KCMF1: variants seen among roughly 807,000 people sequenced by gnomAD.
The protein encoded by KCMF1 is potassium channel modulatory factor 1.
KCMF1 carries 3 observed loss-of-function variants against 41.1 expected under a neutral mutation model. The ratio of observed to expected loss-of-function variants is 0.07; its 90% CI spans 0.03 to 0.19. The LOEUF is 0.19. Ranked by LOEUF, KCMF1 falls within the 10% of genes least tolerant of loss-of-function variation. The probability of loss-of-function intolerance (pLI) is 1.00; values close to 1 mark genes in which losing one functional copy is unlikely to be tolerated. For synonymous variants in KCMF1, 142 were observed against 164.5 expected, an observed-to-expected ratio of 0.86 and a Z score of 1.04; for missense variants, 286 against 488.9, an observed-to-expected ratio of 0.58 and a Z score of 3.91.
intron 1 of KCMF1, among the ~76,000 whole-genome samples, chr2:84,991,354 A>G (rs1343322837): frequency 6.6e-6 from 1 of 152,242 alleles, no homozygotes; most frequent in East Asian, 1.9e-4. Context: ...GAGATGTTGT[A>G]TAGGCCATTG....
At position 84,998,964 on chromosome 2, in the gene KCMF1, ATCTGTCTG is replaced by A. The variant is rs747182548; in HGVS notation, c.16+27505_16+27512del. 8.2e-4 allele frequency among the ~76,000 whole-genome samples: 64 copies of A among 77,626 alleles called. 1 individual carries two copies. Among genetic ancestry groups the A allele is most frequent in the African/African-American group, 2.8e-3 (47 of 16,976 alleles). 50.9% of individuals were successfully genotyped at this position (77,626 alleles called of 152,430 possible). ...TATCTATCTATCTATCTATCTATCTATCTGTCTGTCTGTCTATCTACCTACCTATCTGT... is the reference window on the plus strand; with the variant it reads ...TATCTATCTATCTATCTATCTATCTATCTGTCTATCTACCTACCTATCTGT... On this transcript the variant is annotated intron_variant, in intron 1 of 6. Coordinates refer to ENST00000409785, the MANE Select transcript of KCMF1 (RefSeq NM_020122.5).
At chr2:84,988,856 T>C (rs1048591085) in intron 1 of KCMF1, among the ~76,000 whole-genome samples, 1 of 152,224 alleles carries the variant, frequency 6.6e-6, no homozygotes, top group African/African-American at 2.4e-5. Context: ...ATGGTCTTGA[T>C]TGCAGTTACT....
At chr2:85,025,471 C>T (rs890422383) in intron 1 of KCMF1, among the ~76,000 whole-genome samples, 1 of 152,166 alleles carries the variant, frequency 6.6e-6, no homozygotes, top group African/African-American at 2.4e-5. Context: ...CTCCAGAATT[C>T]TTCCATTATC....
At chr2:84,986,550 G>A (rs1468084118) in intron 1 of KCMF1, among the ~76,000 whole-genome samples, 1 of 152,068 alleles carries the variant, frequency 6.6e-6, no homozygotes, top group African/African-American at 2.4e-5. Flanking sequence ...TGGAACAGAA[G>A]ACTCCCGTAT....
rs2104082300 is a variant in KCMF1, at chr2:85,058,843, A to G, written c.*5434A>G. The G allele has an allele frequency of 6.6e-6, 1 of 152,280 alleles. No individual in the cohort carries two copies. Among genetic ancestry groups the G allele is most frequent in the Admixed American group, 6.5e-5 (1 of 15,300 alleles). The allele number at this position is 152,280 out of a possible 1,614,324, so 9.4% of individuals were successfully genotyped here. On this transcript the variant is annotated 3_prime_UTR_variant, in exon 7 of 7. Transcript: ENST00000409785. ...ACTGACAGCATTTGGAATCTGCCTCACACATAAGAGATCCATATTCATTTA... is the reference window on the plus strand; with the variant it reads ...ACTGACAGCATTTGGAATCTGCCTCGCACATAAGAGATCCATATTCATTTA...
chr2:84,975,673 C>T (rs1384612793), intron 1 of KCMF1, among the ~76,000 whole-genome samples: 1 of 152,186 alleles, frequency 6.6e-6, no homozygotes, highest in Non-Finnish European at 1.5e-5. Context: ...ACCCTGCCAA[C>T]ACTGTCTAGT....
At chr2:84,995,269 C>A (rs1421618365) in intron 1 of KCMF1, among the ~76,000 whole-genome samples, 2 of 152,166 alleles carry the variant, frequency 1.3e-5, no homozygotes, top group African/African-American at 4.8e-5. Flanking sequence ...ATCCACCCAC[C>A]TTGGCCTCCC....
chr2:85,043,511 A>G (rs1675590740), intron 3 of KCMF1, 53 bp from the exon 4 acceptor site: 3 of 1,006,090 alleles, frequency 3.0e-6, no homozygotes, highest in African/African-American at 3.2e-5. Context: ...TCGTCCAGAA[A>G]GATGTCTTAT....
At chr2:85,016,096 T>C (rs768142299) in intron 1 of KCMF1, among the ~76,000 whole-genome samples, 22 of 152,180 alleles carry the variant, frequency 1.4e-4, no homozygotes, top group Admixed American at 3.9e-4. Context: ...GCTGAATGAA[T>C]GTATCAGTTT....
intron 1 of KCMF1, chr2:85,014,110 C>T (rs1003955289): frequency 5.9e-5 from 9 of 152,168 alleles, no homozygotes; most frequent in Admixed American, 3.9e-4. Context: ...AGAGTAAGAA[C>T]TTAAAATAGT....
chr2:85,056,566 G>A lies in KCMF1; in HGVS notation c.*3157G>A, dbSNP rs1675935643. 1 of 152,182 alleles carries A rather than the reference G, an allele frequency of 6.6e-6. No individual in the cohort carries two copies. The highest frequency in any genetic ancestry group is 2.1e-4 in the South Asian group (1 of 4,824). The allele number at this position is 152,182 out of a possible 1,614,324, so 9.4% of individuals were successfully genotyped here. The stretch of plus-strand genomic sequence containing the variant: ...ATCAATAGTTCATAGCTCTAGTTAA[G>A]GACAAAGTGGGTTGGGGGGTAGAAG... On this transcript the variant is annotated 3_prime_UTR_variant, in exon 7 of 7. Transcript: ENST00000409785.
At chr2:85,019,494 G>A (rs1319142214) in intron 1 of KCMF1, among the ~76,000 whole-genome samples, 1 of 152,078 alleles carries the variant, frequency 6.6e-6, no homozygotes, top group East Asian at 1.9e-4. Flanking sequence ...ACAACAGAAG[G>A]AATTAAAGGA....
intron 2 of KCMF1, among the ~76,000 whole-genome samples, chr2:85,028,413 G>A (rs774810104): frequency 3.4e-5 from 5 of 148,590 alleles, no homozygotes; most frequent in Non-Finnish European, 5.9e-5. Flanking sequence ...TCGAACTCCT[G>A]ACCTCAGTCA....
chr2:84,982,700 T>G (rs1392829216), intron 1 of KCMF1, among the ~76,000 whole-genome samples: 1 of 152,154 alleles, frequency 6.6e-6, no homozygotes, highest in East Asian at 1.9e-4. Context: ...GCCCGGCCCT[T>G]CTTTTCTATG....
chr2:85,041,381 A>G (rs1675530564), intron 3 of KCMF1, among the ~76,000 whole-genome samples: 1 of 152,138 alleles, frequency 6.6e-6, no homozygotes, highest in African/African-American at 2.4e-5. Context: ...TTATTAGGAC[A>G]TTCTTTGTAC....
chr2:85,045,660 G>A (rs116392842), intron 4 of KCMF1, among the ~76,000 whole-genome samples: 420 of 152,202 alleles, frequency 2.8e-3, no homozygotes, highest in Admixed American at 3.1e-3. Flanking sequence ...ATTTTTCTTC[G>A]TGATAAATGT....
chr2:85,042,935 C>G (rs932627670), intron 3 of KCMF1, among the ~76,000 whole-genome samples: 1 of 152,216 alleles, frequency 6.6e-6, no homozygotes, highest in Non-Finnish European at 1.5e-5. Flanking sequence ...TTCTACTACT[C>G]CTTGAGCCTG....
intron 5 of KCMF1, among the ~76,000 whole-genome samples, chr2:85,048,027 G>T (rs747132796): frequency 1.4e-4 from 21 of 152,150 alleles, no homozygotes; most frequent in Non-Finnish European, 2.8e-4. Flanking sequence ...CCTGGGTGAT[G>T]TAATAATATG....
intron 1 of KCMF1, among the ~76,000 whole-genome samples, chr2:85,001,098 T>C (rs1290264438): frequency 2.0e-5 from 3 of 151,624 alleles, no homozygotes; most frequent in African/African-American, 7.3e-5. Flanking sequence ...AGTGCTGGAA[T>C]TACAGGTGTG....
Sources: gnomAD v4.1 joint callset for allele counts (sites outside exome capture counted in the v4.1 genomes callset) on GRCh38, gnomAD v4.1.1 for gene constraint, MANE v1.5 for transcripts, NCBI Gene and HGNC (gene_info 2026-07-23, HGNC 2026-07-21) for gene names.